ESRRG: variants seen among roughly 807,000 people sequenced by gnomAD.
The protein encoded by ESRRG is estrogen related receptor gamma.
ESRRG carries 13 observed loss-of-function variants against 44.0 expected under a neutral mutation model. The ratio of observed to expected loss-of-function variants is 0.30; its 90% confidence interval spans 0.19 to 0.47. ESRRG has a LOEUF of 0.47. Ranked by LOEUF, ESRRG falls within the 20% of genes least tolerant of loss-of-function variation. The probability of loss-of-function intolerance (pLI) is 1.00; values close to 1 mark genes in which losing one functional copy is unlikely to be tolerated. For missense variants in ESRRG, 395 were observed against 580.6 expected (o/e 0.68, Z 3.29); for synonymous variants, 215 against 214.6 (o/e 1.00, Z -0.02).
chr1:217,119,456 C>T (rs1004730485), intron 1 of ESRRG, among the ~76,000 whole-genome samples: 114 of 152,294 alleles, frequency 7.5e-4, no homozygotes, highest in African/African-American at 2.6e-3. Flanking sequence ...TCTGCCCTAA[C>T]GACTGAATCC....
At chr1:216,970,700 C>T (rs1175416190) in intron 1 of ESRRG, among the ~76,000 whole-genome samples, 1 of 152,106 alleles carries the variant, frequency 6.6e-6, no homozygotes, top group Admixed American at 6.5e-5. Context: ...AAGTTTTGAC[C>T]ATCTAAAAGG....
chr1:217,129,105 A>C (rs2092926469), intron 1 of ESRRG, among the ~76,000 whole-genome samples: 3 of 152,228 alleles, frequency 2.0e-5, no homozygotes, highest in Admixed American at 2.0e-4. Context: ...TTAGGATTTA[A>C]TATTCGGAAT....
At chr1:216,816,355 A>G (rs1050750037) in intron 2 of ESRRG, among the ~76,000 whole-genome samples, 2 of 152,218 alleles carry the variant, frequency 1.3e-5, no homozygotes, top group African/African-American at 4.8e-5. Flanking sequence ...GCTCAATTTA[A>G]CCATCCCACA....
Position 216,754,375 on chromosome 1 carries a change from A to C in ESRRG, c.-13-76884T>G, listed in dbSNP as rs183535369. Among the ~76,000 whole-genome samples the C allele has an allele frequency of 9.0e-4, 137 of 152,172 alleles. 1 individual carries two copies. Among genetic ancestry groups the C allele is most frequent in the African/African-American group, 2.5e-3 (103 of 41,574 alleles). On this transcript the variant is annotated intron_variant, in intron 2 of 7. Transcript: ENST00000359162. ...TCGAACTTTCACTCTAGAGTCCCGTATCTTTTTCAGTATTTCCTAAAACAT... is the reference window on the plus strand; with the variant it reads ...TCGAACTTTCACTCTAGAGTCCCGTCTCTTTTTCAGTATTTCCTAAAACAT...
chr1:216,924,032 AATT>A (rs1196222288), intron 2 of ESRRG, among the ~76,000 whole-genome samples: 3 of 152,178 alleles, frequency 2.0e-5, no homozygotes, highest in African/African-American at 7.2e-5. Flanking sequence ...GGGAGCCCAG[AATT>A]ATTTAGAGAT....
intron 1 of ESRRG, among the ~76,000 whole-genome samples, chr1:217,070,260 G>A (rs1023224815): frequency 7.9e-5 from 12 of 152,160 alleles, no homozygotes; most frequent in African/African-American, 2.9e-4. Flanking sequence ...ATTAAGAGAA[G>A]TAAAAGCTAT....
At chr1:216,649,959 C>A (rs1009820653) in intron 3 of ESRRG, among the ~76,000 whole-genome samples, 2 of 152,070 alleles carry the variant, frequency 1.3e-5, no homozygotes, top group African/African-American at 4.8e-5. Context: ...AATAGGGGAT[C>A]TCCAGTAAGA....
chr1:216,687,045 GTC>G (rs1491033075), intron 1 of ESRRG, among the ~76,000 whole-genome samples: 37 of 141,588 alleles, frequency 2.6e-4, no homozygotes, highest in Non-Finnish European at 2.5e-4. Flanking sequence ...GTGTGTGTGT[GTC>G]TGTGTGTGTG....
chr1:216,680,402 T>C (rs1216163955), intron 1 of ESRRG, among the ~76,000 whole-genome samples: 2 of 152,082 alleles, frequency 1.3e-5, no homozygotes, highest in Admixed American at 1.3e-4. Context: ...AGCAGAAATG[T>C]CTTGAAGACA....
chr1:217,020,821 C>T (rs1048780166), intron 1 of ESRRG, among the ~76,000 whole-genome samples: 10 of 152,092 alleles, frequency 6.6e-5, no homozygotes, highest in African/African-American at 2.4e-4. Context: ...GTGCTGAAAA[C>T]AAATGTAAAT....
intron 1 of ESRRG, among the ~76,000 whole-genome samples, chr1:216,954,220 CT>C (rs1234092470): frequency 6.6e-6 from 1 of 151,906 alleles, no homozygotes; most frequent in African/African-American, 2.4e-5. Context: ...AATTGCACTA[CT>C]CCATGGATAA....
chr1:216,619,930 C>T (rs1486840788), intron 3 of ESRRG, among the ~76,000 whole-genome samples: 1 of 152,096 alleles, frequency 6.6e-6, no homozygotes, highest in African/African-American at 2.4e-5. Flanking sequence ...TCTAAGTAGG[C>T]AACACCGAGT....
At chr1:216,521,969 G>A (rs1434841816) in intron 5 of ESRRG, among the ~76,000 whole-genome samples, 2 of 152,014 alleles carry the variant, frequency 1.3e-5, no homozygotes, top group Non-Finnish European at 2.9e-5. Context: ...TTACGTGCAC[G>A]GAAACTTTAA....
intron 1 of ESRRG, among the ~76,000 whole-genome samples, chr1:217,112,751 A>G (rs2092674265): frequency 6.6e-6 from 1 of 152,212 alleles, no homozygotes; most frequent in African/African-American, 2.4e-5. Flanking sequence ...ATGGTTAATT[A>G]CTTCAGGATA....
intron 2 of ESRRG, among the ~76,000 whole-genome samples, chr1:216,850,612 T>C (rs1191397821): frequency 6.6e-6 from 1 of 152,080 alleles, no homozygotes; most frequent in Non-Finnish European, 1.5e-5. Flanking sequence ...TTTGTTCCAA[T>C]AATCAAAGGT....
intron 2 of ESRRG, among the ~76,000 whole-genome samples, chr1:216,757,801 C>T (rs2092544348): frequency 6.6e-6 from 1 of 152,032 alleles, no homozygotes; most frequent in African/African-American, 2.4e-5. Flanking sequence ...CAGTTCTGTA[C>T]ACAGTTCTGC....
chr1:216,736,072 CA>C (rs144405353), intron 2 of ESRRG, among the ~76,000 whole-genome samples: 21,128 of 149,470 alleles, frequency 0.14, 1,541 homozygotes, highest in Middle Eastern at 0.23. Context: ...AAGATGAGAA[CA>C]GGGGGGGAGT....
At position 216,555,841 on chromosome 1, in the gene ESRRG, G is replaced by C. The variant is rs896284855; in HGVS notation, c.862+8378C>G. 3.3e-5 allele frequency among the ~76,000 whole-genome samples: 5 copies of C among 152,052 alleles called. 1 individual carries two copies. Among genetic ancestry groups the C allele is most frequent in the African/African-American group, 1.2e-4 (5 of 41,418 alleles). ...GCAACTATTAATCAATATATCCAGA[G>C]TGTCAAAGCCAAGGCCAGGATAGAC... On this transcript the variant is annotated intron_variant, in intron 5 of 6. Transcript: ENST00000408911.
chr1:216,779,179 ATATAAATATATATTTATATT>A (rs1559601988), intron 2 of ESRRG, among the ~76,000 whole-genome samples: 3 of 66,048 alleles, frequency 4.5e-5, no homozygotes, highest in African/African-American at 1.6e-4. Context: ...ATATATAATT[ATATAAATATATATTTATATT>A]TATAAATATA....
Sources: gnomAD v4.1 joint callset for allele counts (sites outside exome capture counted in the v4.1 genomes callset) on GRCh38, gnomAD v4.1.1 for gene constraint, MANE v1.5 for transcripts, NCBI Gene and HGNC (gene_info 2026-07-23, HGNC 2026-07-21) for gene names.